Variants in ADAMTS8 observed in about 807,000 individuals in gnomAD.
The protein encoded by ADAMTS8 is ADAM metallopeptidase with thrombospondin type 1 motif 8, also known as A disintegrin and metalloproteinase with thrombospondin motifs 8.
ADAMTS8 carries 50 observed loss-of-function variants against 64.4 expected under a neutral mutation model. That is an observed-to-expected ratio of 0.78 (90% CI 0.62 to 0.98). ADAMTS8 has a LOEUF of 0.98. ADAMTS8 is among the 50% of genes least tolerant of loss of function. ADAMTS8 has a pLI of 0.00. For missense variants in ADAMTS8, 1,192 were observed against 1,208.2 expected (o/e 0.99, Z 0.20); for synonymous variants, 556 against 533.6 (o/e 1.04, Z -0.58).
At position 130,411,582 on chromosome 11, in the gene ADAMTS8, A is replaced by G. The variant is rs374349338; in HGVS notation, c.1585T>C (p.Trp529Arg). ...ERPKPVADGG[W>R]APWGPWGECS... ...TCTCCCCAGGGTCCCCACGGTGCCCAGCCTCCATCTGCCACGGGCTGCAAC... is the reference window on the plus strand; with the variant it reads ...TCTCCCCAGGGTCCCCACGGTGCCCGGCCTCCATCTGCCACGGGCTGCAAC... The change falls in exon 6 of 9, where the codon TGG becomes CGG. Residue 529 changes from tryptophan (W) to arginine (R), a missense_variant. This residue lies in a region of ADAMTS8 where 10 missense variants were observed against 27.4 expected (regional missense o/e 0.37). Transcript: ENST00000257359. This position sits in a 1 kb window ranked among gnomAD's most constrained non-coding sequence, Gnocchi z 4.2. The G allele has an allele frequency of 3.1e-6, 5 of 1,614,094 alleles. No homozygotes were observed. In the East Asian group the frequency reaches 8.9e-5, roughly 29 times the overall value.
At position 130,428,263 on chromosome 11, in the gene ADAMTS8, G is replaced by T; in HGVS notation, c.24C>A (p.Pro8=). The T allele has an allele frequency of 8.3e-7, 1 of 1,209,150 alleles. No homozygotes were observed. Among genetic ancestry groups the T allele is most frequent in the Non-Finnish European group, 1.0e-6 (1 of 977,038 alleles). 74.9% of individuals were successfully genotyped at this position (1,209,150 alleles called of 1,614,324 possible). ...GCAGCAGCAGGAGCGGAGGCCACCG[G>T]GGGGCGGCGGGGGCGGGGAGCATGG... is the stretch of plus-strand genomic sequence containing the variant. MLPAPAA[P]RWPPLLLLLL... Residue 8 remains proline, a synonymous_variant, in exon 1 of 9, where the codon CCC becomes CCA. Transcript: ENST00000257359.
intron 1 of ADAMTS8, among the ~76,000 whole-genome samples, chr11:130,427,310 GCCC>G (rs530193438): frequency 0.011 from 1,705 of 152,314 alleles, 14 homozygotes; most frequent in Non-Finnish European, 0.016. Context: ...GGCGTCGGCA[GCCC>G]CACTCTAAAC....
intron 5 of ADAMTS8, among the ~76,000 whole-genome samples, chr11:130,414,129 T>TC (rs1390960259): frequency 6.6e-6 from 1 of 150,882 alleles, no homozygotes; most frequent in African/African-American, 2.4e-5. Context: ...TTTCTTTTTT[T>TC]TTTTTTTTTT....
At chr11:130,415,922 A>C (rs562886998) in intron 4 of ADAMTS8, among the ~76,000 whole-genome samples, 1 of 151,842 alleles carries the variant, frequency 6.6e-6, no homozygotes. Flanking sequence ...CCTTCAGACA[A>C]CCTTCTCGGA....
At chr11:130,414,470 C>T (rs1861992987) in intron 5 of ADAMTS8, 61 bp downstream of exon 5, 4 of 1,521,570 alleles carry the variant, frequency 2.6e-6, no homozygotes, top group East Asian at 2.3e-5. Flanking sequence ...GCCCTCAGTC[C>T]TCCCCATTTC....
At chr11:130,425,749 C>T (rs1428416743) in intron 1 of ADAMTS8, among the ~76,000 whole-genome samples, 1 of 152,044 alleles carries the variant, frequency 6.6e-6, no homozygotes, top group Non-Finnish European at 1.5e-5. Flanking sequence ...TACAGGCGCC[C>T]ACCACCACGC....
chr11:130,415,191 C>A (rs1862005543), intron 4 of ADAMTS8, among the ~76,000 whole-genome samples: 1 of 152,214 alleles, frequency 6.6e-6, no homozygotes, highest in Admixed American at 6.5e-5. Context: ...TCTGGATCAT[C>A]TTATTTTTGC....
chr11:130,405,480 G>T lies in ADAMTS8; in HGVS notation c.*78C>A, dbSNP rs1257998170. 11 of 1,510,730 alleles carry T rather than the reference G, an allele frequency of 7.3e-6. No individual in the cohort carries two copies. Among genetic ancestry groups the T allele is most frequent in the Non-Finnish European group, 9.7e-6 (11 of 1,135,260 alleles). The allele number at this position is 1,510,730 out of a possible 1,614,324, so 93.6% of individuals were successfully genotyped here. A position where few individuals can be genotyped will look rare whatever the true frequency, so the allele number is the denominator to read the frequency against. On this transcript the variant is annotated 3_prime_UTR_variant, in exon 9 of 9. Coordinates refer to ENST00000257359, the MANE Select transcript of ADAMTS8 (RefSeq NM_007037.6). ...TGCCTTGATATGGCCAAGGGACCCA[G>T]TCACCACAGTGGAGACCCTTGTCTG...
rs989687825 is a variant in ADAMTS8, at chr11:130,415,135, G to A, written c.1265-303C>T. On this transcript the variant is annotated intron_variant, in intron 4 of 8. Transcript: ENST00000257359. ...TATTCATCCATATCACAACCTAACC[G>A]TGCTCCTGAAAGCCACAGCATGCAA... 7.2e-5 allele frequency among the ~76,000 whole-genome samples: 11 copies of A among 152,262 alleles called. No homozygotes were observed. The Middle Eastern group carries it at 0.01, about 141-fold the overall frequency.
chr11:130,428,499 C>T lies in ADAMTS8; in HGVS notation c.-213G>A, dbSNP rs1379826085. ...GCCCGCTCCTCCCGCGCCGCCGCCC[C>T]CGAGCCGAGCGCGAGCAGCTGGCCC... On this transcript the variant is annotated 5_prime_UTR_variant, in exon 1 of 9. Coordinates refer to ENST00000257359, the MANE Select transcript of ADAMTS8 (RefSeq NM_007037.6). The T allele has an allele frequency of 1.0e-6, 1 of 963,266 alleles. No homozygotes were observed. Among genetic ancestry groups the T allele is most frequent in the Non-Finnish European group, 1.2e-6 (1 of 809,610 alleles). 59.7% of individuals were successfully genotyped at this position (963,266 alleles called of 1,614,324 possible).
rs1241658549 is a variant in ADAMTS8 at position 130,408,813 on chromosome 11, G to A, written c.1878C>T (p.Phe626=). The A allele has an allele frequency of 4.3e-6, 7 of 1,614,140 alleles. No individual in the cohort carries two copies. The South Asian group carries it at 7.7e-5, about 18-fold the overall frequency. The change falls in exon 7 of 9, where the codon TTC becomes TTT. Residue 626 remains phenylalanine, a synonymous_variant. Transcript: ENST00000257359. The part of the protein sequence containing the change: ...GVSPRDRCKL[F]CRARGRSEFK... ...ACTCGCTCCTCCCCCGGGCTCGGCA[G>A]AACAACTTGCAGCGGTCCCGGGGGG...
chr11:130,414,642 CAG>C lies in ADAMTS8; in HGVS notation c.1453_1454del (p.Leu485ValfsTer12). The C allele has an allele frequency of 6.2e-7, 1 of 1,613,746 alleles. No individual in the cohort carries two copies. On this transcript the variant is annotated frameshift_variant, in exon 5 of 9. Coordinates refer to ENST00000257359, the MANE Select transcript of ADAMTS8 (RefSeq NM_007037.6). LOFTEE classifies it high-confidence loss of function. ...GCAGGCTGCCATTCTTCGTGTGGCA[CAG>C]GGGCTCAGCCCCATCAGTGTGGCAC... ...LWCHTDGAEP[L>X]CHTKNGSLPW...
At position 130,417,041 on chromosome 11, in the gene ADAMTS8, A is replaced by G; in HGVS notation, c.995T>C (p.Leu332Pro). 1 of 1,613,912 alleles carries G rather than the reference A, an allele frequency of 6.2e-7. No individual in the cohort carries two copies. Among genetic ancestry groups the G allele is most frequent in the Non-Finnish European group, 8.5e-7 (1 of 1,179,988 alleles). The change falls in exon 3 of 9, where the codon CTG becomes CCG. Residue 332 changes from leucine to proline, a missense_variant. Around this residue, in one of 5 missense-constraint regions of ADAMTS8, gnomAD observed 741 missense variants for 710.6 expected, o/e 1.04. Coordinates refer to ENST00000257359, the MANE Select transcript of ADAMTS8 (RefSeq NM_007037.6). ...FCGQEGLCDTLGVADIGTICD... is the reference protein window; with the variant it reads ...FCGQEGLCDTPGVADIGTICD... ...AATGGTCCCGATGTCTGCCACACCC[A>G]GGGTGTCACACAGCCCCTCCTGCCC... is the stretch of plus-strand genomic sequence containing the variant.
chr11:130,413,530 T>C (rs1324403311), intron 5 of ADAMTS8, among the ~76,000 whole-genome samples: 1 of 152,194 alleles, frequency 6.6e-6, no homozygotes, highest in African/African-American at 2.4e-5. Context: ...TTCATAGTGA[T>C]GGCTCCATGA....
In ADAMTS8 at chr11:130,408,477, G is replaced by T; in HGVS notation, c.2086C>A (p.Leu696Ile). The T allele has an allele frequency of 6.2e-7, 1 of 1,613,622 alleles. No individual in the cohort carries two copies. The highest frequency in any genetic ancestry group is 8.5e-7 in the Non-Finnish European group (1 of 1,180,016). The change falls in exon 8 of 9, where the codon CTC becomes ATC. Residue 696 changes from leucine to isoleucine, a missense_variant. Physicochemically the swap from Leu to Ile is conservative, Grantham distance 5. Around this residue, in one of 5 missense-constraint regions of ADAMTS8, gnomAD observed 290 missense variants for 297.8 expected, o/e 0.97. Transcript: ENST00000257359. The part of the protein sequence containing the change: ...GNSCRKVSGS[L>I]TPTNYGYNDI... ...GGGGAGACTCACTTGGTGGGGGTGA[G>T]GGACCCGGAGACCTTCCTGCAGGAG...
rs1468014372 is a variant in ADAMTS8, at chr11:130,405,560, A to T, written c.2668T>A (p.Ter890ArgextTer16). 3 of 1,595,218 alleles carry T rather than the reference A, an allele frequency of 1.9e-6. No homozygotes were observed. Among genetic ancestry groups the T allele is most frequent in the South Asian group, 2.3e-5 (2 of 88,770 alleles). ...AGACTGGCCCCTGCCCCCCTGAATC[A>T]CAGGGGGCACAGCTGGCTTTCGCAG... The part of the protein sequence containing the change: ...KPCESQLCPL[*>R] The change falls in exon 9 of 9, where the codon TGA (stop) becomes AGA (arginine). Residue 890 changes from the stop codon to arginine (R), a stop_lost. Coordinates refer to ENST00000257359, the MANE Select transcript of ADAMTS8 (RefSeq NM_007037.6).
intron 6 of ADAMTS8, among the ~76,000 whole-genome samples, chr11:130,410,356 C>G (rs1040084120): frequency 3.3e-5 from 5 of 152,164 alleles, no homozygotes; most frequent in Non-Finnish European, 7.3e-5. Context: ...AAAAAATACT[C>G]GACAGTAATG....
intron 1 of ADAMTS8, among the ~76,000 whole-genome samples, chr11:130,423,509 A>G (rs2134690902): frequency 6.6e-6 from 1 of 152,252 alleles, no homozygotes; most frequent in South Asian, 2.1e-4. Context: ...CTGCTGGACA[A>G]CCTAGGCTGC....
chr11:130,413,091 G>A (rs555536989), intron 5 of ADAMTS8, among the ~76,000 whole-genome samples: 5 of 152,212 alleles, frequency 3.3e-5, no homozygotes, highest in East Asian at 1.9e-4. Context: ...GGCTGGTCTC[G>A]AACTCCTGAC....
Sources: allele counts gnomAD v4.1 joint callset (sites outside exome capture counted in the v4.1 genomes callset), GRCh38; gene constraint gnomAD v4.1.1; regional missense constraint gnomAD v4.1.1; non-coding constraint Gnocchi (gnomAD v3.1); transcripts MANE v1.5; gene names NCBI Gene and HGNC (gene_info 2026-07-23, HGNC 2026-07-21).